The following WDTC1 variants were observed in gnomAD, a reference collection of about 807,000 sequenced individuals.
WDTC1 encodes WD and tetratricopeptide repeats 1.
Under a neutral mutation model 76.0 loss-of-function variants are expected in WDTC1, and 12 were observed. The observed-to-expected ratio is 0.16, with a 90% CI of 0.10 to 0.26. The LOEUF (loss-of-function observed/expected upper bound fraction) is 0.26, where lower values mean the gene tolerates loss of function less well. Ranked by LOEUF, WDTC1 falls within the 10% of genes least tolerant of loss-of-function variation. The pLI is 1.00. For missense variants in WDTC1, 511 were observed against 908.8 expected (o/e 0.56, Z 5.63); for synonymous variants, 326 against 350.8 (o/e 0.93, Z 0.79).
rs375053180 is a variant in WDTC1, at chr1:27,253,433, C to T, written c.-99-7523C>T. 1.5e-4 allele frequency among the ~76,000 whole-genome samples: 18 copies of T among 119,362 alleles called. 1 individual carries two copies. The East Asian group carries it at 4.8e-3, about 32-fold the overall frequency. The allele number at this position is 119,362 out of a possible 152,430, so 78.3% of individuals were successfully genotyped here. A position where few individuals can be genotyped will look rare whatever the true frequency, so the allele number is the denominator to read the frequency against. On this transcript the variant is annotated intron_variant, in intron 1 of 15. Transcript: ENST00000319394. ...CCCTCCTCCTCCTCCCTCCTCCCTC[C>T]TCCTCCTTCCTCCTCCTTCCTCTTC...
At chr1:27,250,492 A>G (rs2012011542) in intron 1 of WDTC1, among the ~76,000 whole-genome samples, 2 of 152,196 alleles carry the variant, frequency 1.3e-5, no homozygotes, top group South Asian at 4.1e-4. Flanking sequence ...TATTCACAAC[A>G]ACCCATTAAA....
In WDTC1 at chr1:27,301,127, G is replaced by A; in HGVS notation, c.1233-99G>A. 9.9e-7 allele frequency: 1 copy of A among 1,009,746 alleles called. No homozygotes were observed. The highest frequency in any genetic ancestry group is 1.6e-5 in the African/African-American group (1 of 63,044). The allele number at this position is 1,009,746 out of a possible 1,614,324, so 62.5% of individuals were successfully genotyped here. A position where few individuals can be genotyped will look rare whatever the true frequency, so the allele number is the denominator to read the frequency against. ...TCCCCTTGCCATGAGATCTGTCAGTGGTGGGCTGGGGTGGCCACAGGAAGC... is the reference window on the plus strand; with the variant it reads ...TCCCCTTGCCATGAGATCTGTCAGTAGTGGGCTGGGGTGGCCACAGGAAGC... On this transcript the variant is annotated intron_variant, in intron 12 of 15. Transcript: ENST00000319394. The surrounding 1 kb of genome is among the most constrained non-coding windows in gnomAD (Gnocchi z 5.8).
intron 3 of WDTC1, among the ~76,000 whole-genome samples, chr1:27,267,574 T>C (rs4246506): frequency 0.97 from 148,288 of 152,202 alleles, 72,368 homozygotes; most frequent in East Asian, 1. Context: ...TTCCCAGCTA[T>C]GTAATCCAGT....
intron 10 of WDTC1, 95 bp downstream of exon 10, chr1:27,296,496 G>A (rs776738334): frequency 2.5e-5 from 33 of 1,322,222 alleles, no homozygotes; most frequent in Admixed American, 3.7e-5. Context: ...ACTCTGGACC[G>A]TGATCCTCCA....
intron 12 of WDTC1, among the ~76,000 whole-genome samples, chr1:27,300,331 GA>G (rs202182748): frequency 0.014 from 2,016 of 147,056 alleles, 24 homozygotes; most frequent in East Asian, 0.024. Context: ...CAGCCCAGCT[GA>G]AAAAAAAAAA....
Position 27,267,087 on chromosome 1 carries a change from G to T in WDTC1, c.132+3852G>T, listed in dbSNP as rs566503758. ...TCTGTAGCTTCCGCCTTAATAATCT[G>T]GTCTGATTTTTACTTTTTGACTTTA... On this transcript the variant is annotated intron_variant, in intron 3 of 15. Transcript: ENST00000319394. 2.6e-5 allele frequency among the ~76,000 whole-genome samples: 4 copies of T among 152,030 alleles called. No individual in the cohort carries two copies. The South Asian group carries it at 8.3e-4, about 32-fold the overall frequency.
At chr1:27,294,892 T>C (rs1329410146) in intron 9 of WDTC1, among the ~76,000 whole-genome samples, 1 of 152,254 alleles carries the variant, frequency 6.6e-6, no homozygotes, top group African/African-American at 2.4e-5. Context: ...GGCTTTGGAA[T>C]GGACAGACTT....
At chr1:27,270,977 A>G (rs1174865814) in intron 3 of WDTC1, among the ~76,000 whole-genome samples, 1 of 152,186 alleles carries the variant, frequency 6.6e-6, no homozygotes, top group African/African-American at 2.4e-5. Flanking sequence ...ATGAAGTTTA[A>G]TATATATTCC....
Position 27,292,305 on chromosome 1 carries a change from C to A in WDTC1, c.570C>A (p.Leu190=). The A allele has an allele frequency of 4.3e-6, 7 of 1,613,560 alleles. No individual in the cohort carries two copies. The highest frequency in any genetic ancestry group is 5.9e-6 in the Non-Finnish European group (7 of 1,179,780). Residue 190 remains leucine (L), a synonymous_variant, in exon 7 of 16, where the codon CTC becomes CTA. Transcript: ENST00000319394. ...GCCAGCTGGTGGAGGCCAAGTGCCT[C>A]ACTGTCAACCCCCAGGACAACAACT... ...YCGQLVEAKC[L]TVNPQDNNCL...
intron 1 of WDTC1, among the ~76,000 whole-genome samples, chr1:27,242,539 G>A (rs1031524105): frequency 2.0e-5 from 3 of 151,518 alleles, no homozygotes; most frequent in African/African-American, 4.8e-5. Context: ...GTGCAATCTC[G>A]GCTCACTGCA....
rs938997745 is a variant in WDTC1 at position 27,241,900 on chromosome 1, G to T, written c.-100+6949G>T. 5.8e-3 allele frequency among the ~76,000 whole-genome samples: 812 copies of T among 139,586 alleles called. 5 individuals are homozygous for T. Among genetic ancestry groups the T allele is most frequent in the Non-Finnish European group, 0.01 (654 of 63,672 alleles). The allele number at this position is 139,586 out of a possible 152,430, so 91.6% of individuals were successfully genotyped here. ...GTGATGTCTCACACTGTTTTTTTTT[G>T]TTTTTTTTTTTTTGAGAGTCTCGCT... is the stretch of plus-strand genomic sequence containing the variant. On this transcript the variant is annotated intron_variant, in intron 1 of 15. Transcript: ENST00000319394.
At chr1:27,284,580 A>C (rs147531396) in intron 5 of WDTC1, among the ~76,000 whole-genome samples, 76 of 152,280 alleles carry the variant, frequency 5.0e-4, no homozygotes, top group African/African-American at 1.8e-3. Context: ...TTCCCCTGCA[A>C]AGAGTTTAGG....
chr1:27,295,029 A>G (rs576435481), intron 9 of WDTC1, among the ~76,000 whole-genome samples: 1 of 152,330 alleles, frequency 6.6e-6, no homozygotes, highest in Non-Finnish European at 1.5e-5. Flanking sequence ...GGCTCAGAGC[A>G]TGCAGCTCAG....
At chr1:27,289,057 C>T (rs1234605942) in intron 6 of WDTC1, among the ~76,000 whole-genome samples, 7 of 144,854 alleles carry the variant, frequency 4.8e-5, no homozygotes, top group Admixed American at 1.4e-4. Flanking sequence ...CCCTCCCGGA[C>T]GGGGCGGCTG....
chr1:27,256,563 G>A (rs1035818946), intron 1 of WDTC1, among the ~76,000 whole-genome samples: 2 of 152,208 alleles, frequency 1.3e-5, no homozygotes, highest in Non-Finnish European at 2.9e-5. Flanking sequence ...AAGTCTAAAA[G>A]TAGCTCACCA....
chr1:27,251,626 C>G (rs2012066015), intron 1 of WDTC1, among the ~76,000 whole-genome samples: 1 of 151,932 alleles, frequency 6.6e-6, no homozygotes, highest in African/African-American at 2.4e-5. Flanking sequence ...GCAGTCAAGA[C>G]CAACCTGGGC....
At chr1:27,280,292 GA>G (rs1183050021) in intron 3 of WDTC1, among the ~76,000 whole-genome samples, 1 of 152,140 alleles carries the variant, frequency 6.6e-6, no homozygotes, top group Non-Finnish European at 1.5e-5. Context: ...AGGAACAAAA[GA>G]AAAGATTTTA....
intron 7 of WDTC1, among the ~76,000 whole-genome samples, chr1:27,292,944 G>T (rs1475998241): frequency 6.7e-6 from 1 of 149,014 alleles, no homozygotes; most frequent in Non-Finnish European, 1.5e-5. Flanking sequence ...TAGAGACGGG[G>T]TTTCACCATG....
intron 6 of WDTC1, among the ~76,000 whole-genome samples, chr1:27,289,938 C>T (rs2013484550): frequency 6.6e-6 from 1 of 151,640 alleles, no homozygotes; most frequent in South Asian, 2.1e-4. Flanking sequence ...GGCAGCAGTA[C>T]AGTCCAGCTT....
Sources: gnomAD v4.1 joint callset for allele counts (sites outside exome capture counted in the v4.1 genomes callset) on GRCh38, gnomAD v4.1.1 for gene constraint, Gnocchi (gnomAD v3.1) non-coding constraint, MANE v1.5 for transcripts, NCBI Gene and HGNC (gene_info 2026-07-23, HGNC 2026-07-21) for gene names.